Variants in SAMD5 observed in about 807,000 individuals in gnomAD.
SAMD5 encodes the protein sterile alpha motif domain-containing protein 5.
In SAMD5, 13 loss-of-function variants were observed where a neutral mutation model predicts 11.3. The ratio of observed to expected loss-of-function variants is 1.15; its 90% CI spans 0.75 to 1.83. SAMD5 has a LOEUF of 1.83. Ranked by LOEUF, SAMD5 falls within the 40% of genes most tolerant of loss-of-function variation. SAMD5 has a pLI of 0.00. For synonymous variants in SAMD5, 129 were observed against 111.3 expected, an observed-to-expected ratio of 1.16 and a Z score of -1.00; for missense variants, 255 against 239.1, an observed-to-expected ratio of 1.07 and a Z score of -0.44.
At chr6:147,876,644 A>C in the SAMD5 span, among the ~76,000 whole-genome samples, 2 of 152,258 alleles carry the variant, frequency 1.3e-5, no homozygotes, top group Non-Finnish European at 2.9e-5. Context: ...ATACATTGTC[A>C]GAGGACAAAA....
At chr6:147,732,829 G>T (rs1791738015) in intron 1 of SAMD5, among the ~76,000 whole-genome samples, 1 of 152,184 alleles carries the variant, frequency 6.6e-6, no homozygotes, top group African/African-American at 2.4e-5. Context: ...ATAAGCACCT[G>T]TTGTTAGAAG....
At chr6:147,602,401 T>A (rs151334451) in intron 1 of SAMD5, among the ~76,000 whole-genome samples, 12 of 152,312 alleles carry the variant, frequency 7.9e-5, no homozygotes, top group African/African-American at 2.2e-4. Context: ...AAGTGTTCCT[T>A]TGCGATGTTT....
At position 147,737,000 on chromosome 6, in the gene SAMD5, A is replaced by G. The variant is rs185292969; in HGVS notation, c.163-317A>G. Among the ~76,000 whole-genome samples the G allele has an allele frequency of 3.3e-4, 51 of 152,260 alleles. 1 individual carries two copies. Among genetic ancestry groups the G allele is most frequent in the East Asian group, 2.9e-3 (15 of 5,184 alleles). Reference sequence around the variant, plus strand: ...TTATAGTAGTGTTATTAAAAAACAAAGATAAATCAACATTTCAGTACAAAT... The same window carrying G: ...TTATAGTAGTGTTATTAAAAAACAAGGATAAATCAACATTTCAGTACAAAT... On this transcript the variant is annotated intron_variant, in intron 1 of 1. Coordinates refer to the SAMD5 transcript ENST00000566741.
the SAMD5 span, among the ~76,000 whole-genome samples, chr6:147,874,470 C>T: frequency 7.9e-5 from 12 of 151,918 alleles, no homozygotes; most frequent in Non-Finnish European, 1.0e-4. Context: ...CCGAGAAGCC[C>T]GTTGTTGCGT....
chr6:147,826,001 T>C, the SAMD5 span, among the ~76,000 whole-genome samples: 1 of 152,260 alleles, frequency 6.6e-6, no homozygotes, highest in Non-Finnish European at 1.5e-5. Flanking sequence ...CTTCAGGCTT[T>C]GAACAAAAAT....
At chr6:147,613,359 C>A (rs71566487) in intron 1 of SAMD5, among the ~76,000 whole-genome samples, 1 of 151,846 alleles carries the variant, frequency 6.6e-6, no homozygotes, top group African/African-American at 2.4e-5. Flanking sequence ...GAGAGCCCCA[C>A]GCACTAAGAG....
chr6:147,843,874 T>G, the SAMD5 span, among the ~76,000 whole-genome samples: 2 of 152,134 alleles, frequency 1.3e-5, no homozygotes, highest in Admixed American at 1.3e-4. Context: ...ATGTAAGACA[T>G]GAAACTATAA....
chr6:147,766,137 T>C, the SAMD5 span, among the ~76,000 whole-genome samples: 3 of 144,708 alleles, frequency 2.1e-5, no homozygotes, highest in African/African-American at 7.6e-5. Context: ...AATTGGGACA[T>C]AAATAATGGA....
the SAMD5 span, among the ~76,000 whole-genome samples, chr6:147,881,908 A>G: frequency 1.4e-4 from 22 of 152,314 alleles, no homozygotes; most frequent in East Asian, 4.1e-3. Flanking sequence ...ATGCCCTGGC[A>G]TTTTGCAGAG....
intron 1 of SAMD5, among the ~76,000 whole-genome samples, chr6:147,642,559 C>T (rs559273063): frequency 5.9e-5 from 9 of 152,312 alleles, no homozygotes; most frequent in East Asian, 5.8e-4. Context: ...ACTGCGAGTT[C>T]GTCATCTCTG....
intron 1 of SAMD5, among the ~76,000 whole-genome samples, chr6:147,533,560 T>A (rs1376164898): frequency 6.6e-6 from 1 of 151,604 alleles, no homozygotes; most frequent in African/African-American, 2.4e-5. Context: ...GCATCAGTGG[T>A]GGCAGAAGAC....
chr6:147,692,278 A>T (rs936349556), intron 1 of SAMD5: 1 of 152,174 alleles, frequency 6.6e-6, no homozygotes, highest in African/African-American at 2.4e-5. Flanking sequence ...TTTGTGTTGT[A>T]AATCTTAAAT....
At chr6:147,903,909 GAAAA>G in the SAMD5 span, among the ~76,000 whole-genome samples, 1 of 142,278 alleles carries the variant, frequency 7.0e-6, no homozygotes, top group Non-Finnish European at 1.6e-5. Context: ...CTCCATCTTG[GAAAA>G]AAAAAAAAAA....
intron 1 of SAMD5, among the ~76,000 whole-genome samples, chr6:147,592,664 T>G (rs1789473037): frequency 6.6e-6 from 1 of 151,682 alleles, no homozygotes; most frequent in Non-Finnish European, 1.5e-5. Flanking sequence ...ACATGTTCGC[T>G]CTGAAGGACT....
intron 1 of SAMD5, among the ~76,000 whole-genome samples, chr6:147,640,018 G>T (rs889880906): frequency 2.0e-5 from 3 of 152,026 alleles, no homozygotes; most frequent in African/African-American, 7.2e-5. Flanking sequence ...ACACATTATG[G>T]CTAAAAAGCT....
chr6:147,769,341 C>CT, the SAMD5 span, among the ~76,000 whole-genome samples: 1 of 152,140 alleles, frequency 6.6e-6, no homozygotes, highest in African/African-American at 2.4e-5. Flanking sequence ...TACACTTCAT[C>CT]TTTTCATTTT....
At chr6:147,515,153 A>G (rs1788144821) in intron 1 of SAMD5, among the ~76,000 whole-genome samples, 1 of 128,760 alleles carries the variant, frequency 7.8e-6, no homozygotes, top group Non-Finnish European at 1.6e-5. Flanking sequence ...GTCCTCAAAT[A>G]CCCTCAACCT....
At chr6:147,712,659 G>A (rs1791415723) in intron 1 of SAMD5, among the ~76,000 whole-genome samples, 1 of 152,046 alleles carries the variant, frequency 6.6e-6, no homozygotes, top group Admixed American at 6.6e-5. Flanking sequence ...GAACAGAAAG[G>A]GAGGGACATC....
the SAMD5 span, among the ~76,000 whole-genome samples, chr6:147,844,357 T>C: frequency 3.4e-4 from 52 of 152,274 alleles, no homozygotes; most frequent in South Asian, 1.7e-3. Context: ...TTGTGGAGGA[T>C]GTGGAGAGAA....
Sources: gnomAD v4.1 joint callset for allele counts (sites outside exome capture counted in the v4.1 genomes callset) on GRCh38, gnomAD v4.1.1 for gene constraint, MANE v1.5 for transcripts, NCBI Gene and HGNC (gene_info 2026-07-23, HGNC 2026-07-21) for gene names.